The following MRPL34 variants were observed in gnomAD, a reference collection of about 807,000 sequenced individuals.
MRPL34 encodes mitochondrial ribosomal protein L34, also known as large ribosomal subunit protein bL34m.
In MRPL34, 8 loss-of-function variants were observed where a neutral mutation model predicts 6.7. The ratio of observed to expected loss-of-function variants is 1.20; its 90% CI spans 0.70 to 2.16. MRPL34 has a LOEUF of 2.16. MRPL34 is among the 30% of genes most tolerant of loss of function. The probability of loss-of-function intolerance (pLI) is 0.00; values close to 1 mark genes in which losing one functional copy is unlikely to be tolerated. For synonymous variants in MRPL34, 59 were observed against 55.1 expected (o/e 1.07, Z -0.31); for missense variants, 146 against 125.5 (o/e 1.16, Z -0.78).
intron 1 of MRPL34, 91 bp from the exon 2 acceptor site, chr19:17,306,075 C>G (rs1311537319): frequency 1.3e-6 from 2 of 1,523,486 alleles, no homozygotes; most frequent in African/African-American, 1.4e-5. Flanking sequence ...CAGCCAGGCT[C>G]TGTCTCCGGG....
chr19:17,304,027 G>C (rs553930368), upstream of MRPL34, among the ~76,000 whole-genome samples: 63 of 151,640 alleles, frequency 4.2e-4, no homozygotes, highest in African/African-American at 1.5e-3. Flanking sequence ...CTCGAACTCT[G>C]GGCATCAAGC....
Position 17,305,913 on chromosome 19 carries a change from C to T in MRPL34, c.21C>T (p.Ser7=). 4 of 1,614,106 alleles carry T rather than the reference C, an allele frequency of 2.5e-6. No homozygotes were observed. The highest frequency in any genetic ancestry group is 3.4e-6 in the Non-Finnish European group (4 of 1,179,994). Residue 7 remains serine (S), a synonymous_variant, in exon 1 of 2, where the codon TCC becomes TCT. Coordinates refer to ENST00000252602, the MANE Select transcript of MRPL34 (RefSeq NM_023937.4). ...CGGATATGGCTGTCTTGGCTGGATC[C>T]CTGTTGGGCCCCACGAGTAGGTCGG... MAVLAG[S]LLGPTSRSAA...
At chr19:17,300,841 C>T, upstream of MRPL34, 1 of 1,572,402 alleles carries the variant, frequency 6.4e-7, no homozygotes, top group South Asian at 1.2e-5. Flanking sequence ...ACCCCACATG[C>T]CAGGGTTCAC....
intron 1 of MRPL34, among the ~76,000 whole-genome samples, chr19:17,293,712 G>C (rs1391103145): frequency 6.8e-6 from 1 of 146,340 alleles, no homozygotes; most frequent in Non-Finnish European, 1.5e-5. Flanking sequence ...TTTTCTTTAA[G>C]AAACGGGGTC....
At chr19:17,301,608 G>A, upstream of MRPL34, 5 of 1,550,004 alleles carry the variant, frequency 3.2e-6, no homozygotes, top group Non-Finnish European at 4.3e-6. Flanking sequence ...CGGTCACCCC[G>A]GTCAGCATGG....
chr19:17,299,719 A>C (rs2074108973), upstream of MRPL34, among the ~76,000 whole-genome samples: 1 of 152,020 alleles, frequency 6.6e-6, no homozygotes, highest in South Asian at 2.1e-4. Flanking sequence ...AAAAGAAAAA[A>C]AAATTTTAAA....
At chr19:17,305,837 A>G (rs1469442197), upstream of MRPL34, 5 of 1,536,766 alleles carry the variant, frequency 3.3e-6, no homozygotes, top group Non-Finnish European at 4.5e-6. Context: ...CCAGGGCTGG[A>G]GCGGCTCTGG....
In MRPL34 at chr19:17,306,657, C is replaced by A; in HGVS notation, c.*278C>A. On this transcript the variant is annotated 3_prime_UTR_variant, in exon 2 of 2. Coordinates refer to ENST00000252602, the MANE Select transcript of MRPL34 (RefSeq NM_023937.4). Reference sequence around the variant, plus strand: ...CCGACTACCTACAACCCGTCCCTGCCCCATCCTGAGTTCTTTTGAAGCTGA... The same window carrying A: ...CCGACTACCTACAACCCGTCCCTGCACCATCCTGAGTTCTTTTGAAGCTGA... 3.4e-6 allele frequency: 1 copy of A among 295,352 alleles called. No homozygotes were observed. Among genetic ancestry groups the A allele is most frequent in the Non-Finnish European group, 6.2e-6 (1 of 160,222 alleles). 18.3% of individuals were successfully genotyped at this position (295,352 alleles called of 1,614,324 possible).
At chr19:17,292,995 G>A in intron 1 of MRPL34, 1 of 754,212 alleles carries the variant, frequency 1.3e-6, no homozygotes, top group South Asian at 2.3e-5. Context: ...CTGGAGGATG[G>A]CCTGTAGCCC....
chr19:17,301,440 T>G (rs1204414838), upstream of MRPL34: 47 of 1,611,802 alleles, frequency 2.9e-5, no homozygotes, highest in Non-Finnish European at 3.7e-5. Flanking sequence ...CGGATGATGG[T>G]GGAGGTGGGG....
At chr19:17,305,241 CTTTTTTTTTT>C (rs34823570), upstream of MRPL34, among the ~76,000 whole-genome samples, 38 of 121,212 alleles carry the variant, frequency 3.1e-4, no homozygotes, top group African/African-American at 8.0e-4. Context: ...ATTTTTCTTC[CTTTTTTTTTT>C]TTTTTTTTTT....
upstream of MRPL34, among the ~76,000 whole-genome samples, chr19:17,304,756 G>A (rs554332554): frequency 3.7e-4 from 56 of 152,186 alleles, no homozygotes. Flanking sequence ...AGTCGGGCCA[G>A]AAGAATGGAC....
At chr19:17,301,427 A>T (rs2074117987), upstream of MRPL34, 11 of 1,612,128 alleles carry the variant, frequency 6.8e-6, no homozygotes, top group Middle Eastern at 1.7e-4. Context: ...GCATCCGAGG[A>T]TGCGGATGAT....
At chr19:17,304,020 G>A (rs1055117561), upstream of MRPL34, among the ~76,000 whole-genome samples, 2 of 151,028 alleles carry the variant, frequency 1.3e-5, no homozygotes, top group Non-Finnish European at 2.9e-5. Flanking sequence ...GACTGGTCTC[G>A]AACTCTGGGC....
upstream of MRPL34, chr19:17,302,894 G>GCTGC (rs973370052): frequency 6.6e-6 from 1 of 152,558 alleles, no homozygotes; most frequent in African/African-American, 2.4e-5. Context: ...GATGGGACCA[G>GCTGC]CTGCCTGCCT....
chr19:17,301,817 A>C (rs147095536), upstream of MRPL34, among the ~76,000 whole-genome samples: 250 of 143,254 alleles, frequency 1.7e-3, no homozygotes, highest in African/African-American at 6.6e-3. Context: ...TGTTTTTGAG[A>C]CAGTCTCGCT....
chr19:17,294,619 C>A, intron 1 of MRPL34: 1 of 1,607,782 alleles, frequency 6.2e-7, no homozygotes. Context: ...CCAACTCGAG[C>A]AGATGCCTGG....
chr19:17,296,158 A>G (rs2145653803), intron 1 of MRPL34: 1 of 152,312 alleles, frequency 6.6e-6, no homozygotes, highest in Middle Eastern at 3.4e-3. Context: ...AGTGTTGAGG[A>G]TGGAACTTAT....
upstream of MRPL34, among the ~76,000 whole-genome samples, chr19:17,300,691 T>C (rs186351714): frequency 2.1e-4 from 32 of 152,228 alleles, no homozygotes; most frequent in Non-Finnish European, 3.8e-4. Flanking sequence ...TTGGCCAGAC[T>C]GTTCCCGAAC....
Sources: gnomAD v4.1 joint callset for allele counts (sites outside exome capture counted in the v4.1 genomes callset) on GRCh38, gnomAD v4.1.1 for gene constraint, MANE v1.5 for transcripts, NCBI Gene and HGNC (gene_info 2026-07-23, HGNC 2026-07-21) for gene names.